SLC12A6: variants seen among roughly 807,000 people sequenced by gnomAD.
The protein encoded by SLC12A6 is K-Cl cotransporter 3.
A neutral mutation model predicts 135.3 loss-of-function variants in SLC12A6; 66 were observed. The ratio of observed to expected loss-of-function variants is 0.49; its 90% CI spans 0.40 to 0.60. SLC12A6 has a LOEUF of 0.60. Ranked by LOEUF, SLC12A6 falls within the 20% of genes least tolerant of loss-of-function variation. SLC12A6 has a pLI of 0.00. For missense variants in SLC12A6, 1,058 were observed against 1,452.3 expected, an observed-to-expected ratio of 0.73 and a Z score of 4.41; for synonymous variants, 513 against 508.8, an observed-to-expected ratio of 1.01 and a Z score of -0.11.
intron 14 of SLC12A6, 83 bp downstream of exon 14, chr15:34,245,610 G>T: frequency 8.1e-7 from 1 of 1,240,368 alleles, no homozygotes; most frequent in Non-Finnish European, 1.2e-6. Flanking sequence ...TTATGATCTA[G>T]TAATTTCTAA....
chr15:34,284,489 G>GTC (rs1166485412), intron 2 of SLC12A6, among the ~76,000 whole-genome samples: 2 of 151,914 alleles, frequency 1.3e-5, no homozygotes, highest in African/African-American at 4.8e-5. Flanking sequence ...GGCCAGGCTG[G>GTC]TCTTGAACTC....
rs1257558783 is a variant in SLC12A6, at chr15:34,256,252, A to C, written c.722T>G (p.Ile241Ser). 1 of 1,606,976 alleles carries C rather than the reference A, an allele frequency of 6.2e-7. No individual in the cohort carries two copies. Among genetic ancestry groups the C allele is most frequent in the Non-Finnish European group, 8.5e-7 (1 of 1,173,430 alleles). Residue 241 changes from isoleucine (I) to serine (S), a missense_variant, in exon 7 of 26, where the codon ATT (isoleucine) becomes AGT (serine). This residue lies in a region of SLC12A6 where 139 missense variants were observed against 202.2 expected (regional missense o/e 0.69). Transcript: ENST00000354181. ...TMLTAISMSA[I>S]ATNGVVPAGG... ...ACCTGGCACCACTCCATTAGTGGCA[A>C]TGGCACTCATGGAGATAGCAGTCAA... is the stretch of plus-strand genomic sequence containing the variant.
Position 34,255,391 on chromosome 15 carries a change from A to G in SLC12A6, c.747T>C (p.Ala249=), listed in dbSNP as rs140318542. ...SAIATNGVVP[A]GGSYFMISRA... is the part of the protein sequence containing the mutation. ...GGGAAATCATAAAGTATGAGCCCCC[A>G]GCTAAAAGACAAAACAGAAGGTGAA... is the stretch of plus-strand genomic sequence containing the variant. The change falls in exon 8 of 26, where the codon GCT becomes GCC. Residue 249 remains alanine (A), a splice_region_variant and synonymous_variant. Coordinates refer to ENST00000354181, the MANE Select transcript of SLC12A6 (RefSeq NM_001365088.1). 1.0e-5 allele frequency: 16 copies of G among 1,607,514 alleles called. No individual in the cohort carries two copies. In the Admixed American group the frequency reaches 1.5e-4, roughly 15 times the overall value.
At chr15:34,271,710 C>T (rs753663075) in intron 3 of SLC12A6, among the ~76,000 whole-genome samples, 1 of 151,854 alleles carries the variant, frequency 6.6e-6, no homozygotes, top group African/African-American at 2.4e-5. Flanking sequence ...TCAGCCTGAC[C>T]CTGAGTTTTG....
chr15:34,246,679 C>T (rs1892012972), intron 13 of SLC12A6, among the ~76,000 whole-genome samples: 1 of 151,652 alleles, frequency 6.6e-6, no homozygotes, highest in African/African-American at 2.4e-5. Context: ...ACAGGTCTCA[C>T]TCTGTTGCCA....
chr15:34,280,612 A>C (rs1235495728), intron 2 of SLC12A6, among the ~76,000 whole-genome samples: 1 of 152,186 alleles, frequency 6.6e-6, no homozygotes, highest in Non-Finnish European at 1.5e-5. Flanking sequence ...AAGAGTATGG[A>C]GAGTACTCAA....
intron 16 of SLC12A6, among the ~76,000 whole-genome samples, chr15:34,242,581 C>T (rs1891716663): frequency 6.6e-6 from 1 of 152,144 alleles, no homozygotes. Flanking sequence ...CAGTCATCTG[C>T]AGTTATGAGG....
chr15:34,253,039 CAT>C (rs1342387718), intron 9 of SLC12A6, among the ~76,000 whole-genome samples: 2 of 152,154 alleles, frequency 1.3e-5, no homozygotes, highest in African/African-American at 4.8e-5. Context: ...GTAAGGATAA[CAT>C]AAATATTAAC....
chr15:34,284,198 G>A (rs1407525234), intron 2 of SLC12A6, among the ~76,000 whole-genome samples: 1 of 151,616 alleles, frequency 6.6e-6, no homozygotes, highest in Non-Finnish European at 1.5e-5. Context: ...AGGGAGGCAG[G>A]TTGATGATAT....
chr15:34,255,424 A>G (rs771364795), intron 7 of SLC12A6, 32 bp from the exon 8 acceptor site: 2 of 1,525,962 alleles, frequency 1.3e-6, no homozygotes, highest in Non-Finnish European at 9.1e-7. Context: ...GAATAGAAGA[A>G]AGAGTGTGTA....
intron 2 of SLC12A6, among the ~76,000 whole-genome samples, chr15:34,278,848 C>T (rs1229344964): frequency 3.9e-5 from 6 of 152,018 alleles, no homozygotes; most frequent in African/African-American, 1.4e-4. Context: ...GGATTACAGG[C>T]ATGGGCCACT....
intron 2 of SLC12A6, among the ~76,000 whole-genome samples, chr15:34,309,820 G>T (rs1888024606): frequency 2.0e-5 from 3 of 152,114 alleles, no homozygotes; most frequent in South Asian, 2.1e-4. Flanking sequence ...TTGATCCTGA[G>T]ATTTTAAAGC....
intron 5 of SLC12A6, 26 bp from the exon 6 acceptor site, chr15:34,257,814 A>C: frequency 1.9e-6 from 3 of 1,546,246 alleles, no homozygotes; most frequent in Non-Finnish European, 1.8e-6. Context: ...TTGATAAAAA[A>C]TCACACAGTT....
At chr15:34,286,724 A>C (rs1297942835) in intron 2 of SLC12A6, among the ~76,000 whole-genome samples, 2 of 152,088 alleles carry the variant, frequency 1.3e-5, no homozygotes, top group East Asian at 1.9e-4. Flanking sequence ...TGAACCTGGC[A>C]GGCGGAGGTT....
rs377402786 is a variant in SLC12A6 at position 34,231,586 on chromosome 15, TTCTTTC to T, written c.*2289_*2294del. ...AATCAAAATTACTCAATTTCTTTCT[TTCTTTC>T]TTTTTTTTTTTTTTTGAGATGGAGT... On this transcript the variant is annotated 3_prime_UTR_variant, in exon 26 of 26. Coordinates refer to ENST00000354181, the MANE Select transcript of SLC12A6 (RefSeq NM_001365088.1). 15,360 of 133,968 alleles carry T rather than the reference TTCTTTC, an allele frequency of 0.11. 830 individuals are homozygous for T. The highest frequency in any genetic ancestry group is 0.26 in the East Asian group (1,304 of 4,984). The allele number at this position is 133,968 out of a possible 1,614,324, so 8.3% of individuals were successfully genotyped here.
At chr15:34,296,408 A>T (rs1895881446) in intron 2 of SLC12A6, among the ~76,000 whole-genome samples, 1 of 152,212 alleles carries the variant, frequency 6.6e-6, no homozygotes, top group African/African-American at 2.4e-5. Flanking sequence ...ATTAGGCTCA[A>T]TGGTTCATCC....
chr15:34,253,853 T>A (rs1034867514), intron 9 of SLC12A6, among the ~76,000 whole-genome samples: 1 of 151,664 alleles, frequency 6.6e-6, no homozygotes, highest in African/African-American at 2.4e-5. Flanking sequence ...CACTAGGGAG[T>A]TGAAGGAGGT....
At chr15:34,320,801 C>CAGCTATTG (rs60308261) in intron 2 of SLC12A6, among the ~76,000 whole-genome samples, 26,568 of 151,458 alleles carry the variant, frequency 0.18, 2,530 homozygotes, top group East Asian at 0.33. Context: ...CCTGTAGTTC[C>CAGCTATTG]AGAAGGCTGA....
intron 2 of SLC12A6, among the ~76,000 whole-genome samples, chr15:34,333,344 C>T (rs952917009): frequency 1.3e-5 from 2 of 151,530 alleles, no homozygotes; most frequent in Non-Finnish European, 2.9e-5. Flanking sequence ...ATTCTCCTGT[C>T]AAGGCCTCCC....
Sources: gnomAD v4.1 joint callset for allele counts (sites outside exome capture counted in the v4.1 genomes callset) on GRCh38, gnomAD v4.1.1 for gene constraint, gnomAD v4.1.1 regional missense constraint, MANE v1.5 for transcripts, NCBI Gene and HGNC (gene_info 2026-07-23, HGNC 2026-07-21) for gene names.